The following ZNF573 variants were observed in gnomAD, a reference collection of about 807,000 sequenced individuals.
ZNF573 encodes zinc finger protein 573.
ZNF573 carries 41 observed loss-of-function variants against 57.4 expected under a neutral mutation model. That is an observed-to-expected ratio of 0.71 (90% CI 0.56 to 0.93). The LOEUF (loss-of-function observed/expected upper bound fraction) is 0.93. Ranked by LOEUF, ZNF573 falls within the 40% of genes least tolerant of loss-of-function variation. The probability of loss-of-function intolerance (pLI) is 0.00; values close to 1 mark genes in which losing one functional copy is unlikely to be tolerated. For missense variants in ZNF573, 730 were observed against 794.8 expected (o/e 0.92, Z 0.98); for synonymous variants, 249 against 261.0 (o/e 0.95, Z 0.44).
intron 4 of ZNF573, among the ~76,000 whole-genome samples, chr19:37,766,475 A>G (rs748476978): frequency 3.9e-5 from 6 of 152,190 alleles, no homozygotes; most frequent in Non-Finnish European, 8.8e-5. Flanking sequence ...AGATCCATCA[A>G]CTCTTAAATG....
At chr19:37,771,472 CTA>C in intron 3 of ZNF573, 90 bp downstream of exon 3, 1 of 1,429,052 alleles carries the variant, frequency 7.0e-7, no homozygotes, top group South Asian at 1.3e-5. Context: ...AGAAATTCAA[CTA>C]TGTCTTGAAA....
At chr19:37,764,509 C>T (rs1284851338) in intron 4 of ZNF573, among the ~76,000 whole-genome samples, 3 of 151,218 alleles carry the variant, frequency 2.0e-5, no homozygotes, top group African/African-American at 4.9e-5. Context: ...TTAATAGAGA[C>T]GGGGTTTCAC....
chr19:37,758,242 T>C (rs1415058023), intron 4 of ZNF573, among the ~76,000 whole-genome samples: 1 of 72,024 alleles, frequency 1.4e-5, no homozygotes, highest in Non-Finnish European at 2.8e-5. Context: ...TATATATATA[T>C]ATATATATAT....
intron 4 of ZNF573, chr19:37,759,283 C>T: frequency 3.0e-6 from 1 of 336,664 alleles, no homozygotes; most frequent in South Asian, 1.2e-4. Flanking sequence ...TATCAGAGAA[C>T]AATTTCTTTT....
At chr19:37,744,740 C>CAAAAAAAAAAAAAAAAAAAAAAAAA (rs1193916273) in intron 4 of ZNF573, among the ~76,000 whole-genome samples, 1 of 38,606 alleles carries the variant, frequency 2.6e-5, no homozygotes, top group Non-Finnish European at 5.3e-5. Context: ...GACCCTATCT[C>CAAAAAAAAAAAAAAAAAAAAAAAAA]AAAAAAAAAA....
At chr19:37,743,100 C>T (rs373533949) in intron 4 of ZNF573, among the ~76,000 whole-genome samples, 65 of 151,976 alleles carry the variant, frequency 4.3e-4, no homozygotes, top group Admixed American at 7.2e-4. Context: ...GGGTGGATCA[C>T]GAGGTCAGGA....
chr19:37,738,505 C>T lies in ZNF573; in HGVS notation c.1985G>A (p.Ser662Asn), dbSNP rs1345864640. The change falls in exon 5 of 5, where the codon AGC becomes AAC. Residue 662 changes from serine to asparagine, a missense_variant. Ser to Asn is a conservative substitution (Grantham distance 46, BLOSUM62 1). Coordinates refer to ENST00000536220, the MANE Select transcript of ZNF573 (RefSeq NM_001172690.2). ...CTCTTTACGGTCTTACACTTTTATG[C>T]TCCTATGAATTCTCTGATGGGCTTT... The part of the protein sequence containing the change: ...ALKAHQRIHR[S>N]IKV The T allele has an allele frequency of 1.3e-6, 2 of 1,532,334 alleles. No homozygotes were observed. The highest frequency in any genetic ancestry group is 2.2e-5 in the Admixed American group (1 of 45,520). 94.9% of individuals were successfully genotyped at this position (1,532,334 alleles called of 1,614,324 possible). A position where few individuals can be genotyped will look rare whatever the true frequency, so the allele number is the denominator to read the frequency against.
Position 37,769,927 on chromosome 19 carries a change from C to A in ZNF573, c.295+78G>T. On this transcript the variant is annotated intron_variant, in intron 4 of 4. Transcript: ENST00000536220. The stretch of plus-strand genomic sequence containing the variant: ...CTGGGTGCCTTGGAGGAAGGTTTCA[C>A]AAACAACACAAAAATGTCTCCTTTC... 2.3e-6 allele frequency: 3 copies of A among 1,322,352 alleles called. No homozygotes were observed. In the East Asian group the frequency reaches 7.5e-5, roughly 33 times the overall value. The allele number at this position is 1,322,352 out of a possible 1,614,324, so 81.9% of individuals were successfully genotyped here. A position where few individuals can be genotyped will look rare whatever the true frequency, so the allele number is the denominator to read the frequency against.
intron 4 of ZNF573, among the ~76,000 whole-genome samples, chr19:37,745,385 G>A (rs2045371938): frequency 6.6e-6 from 1 of 150,864 alleles, no homozygotes; most frequent in African/African-American, 2.4e-5. Flanking sequence ...ATTCAGCCAA[G>A]ACTTTAATTT....
intron 3 of ZNF573, among the ~76,000 whole-genome samples, chr19:37,771,338 GA>G (rs1306664329): frequency 6.6e-6 from 1 of 151,976 alleles, no homozygotes; most frequent in Non-Finnish European, 1.5e-5. Context: ...TTAAGGAAAG[GA>G]GGCAATCATA....
chr19:37,744,740 CAAA>C (rs1193916273), intron 4 of ZNF573, among the ~76,000 whole-genome samples: 3 of 38,624 alleles, frequency 7.8e-5, no homozygotes, highest in African/African-American at 9.8e-5. Flanking sequence ...GACCCTATCT[CAAA>C]AAAAAAAAAA....
intron 4 of ZNF573, among the ~76,000 whole-genome samples, chr19:37,745,587 G>A (rs562661641): frequency 1.3e-5 from 2 of 151,864 alleles, no homozygotes; most frequent in Non-Finnish European, 2.9e-5. Context: ...GTAGAGACAG[G>A]GTTTCACCAT....
intron 4 of ZNF573, among the ~76,000 whole-genome samples, chr19:37,768,176 CAT>C (rs1214953543): frequency 2.0e-5 from 3 of 152,320 alleles, no homozygotes; most frequent in Admixed American, 6.5e-5. Flanking sequence ...GTAAGCTACT[CAT>C]GTGTTATATG....
At chr19:37,755,763 T>C (rs1019982499) in intron 4 of ZNF573, among the ~76,000 whole-genome samples, 3 of 151,706 alleles carry the variant, frequency 2.0e-5, no homozygotes, top group East Asian at 3.9e-4. Flanking sequence ...AGAAGAGGCA[T>C]TGGTAAAATC....
At chr19:37,764,390 G>A (rs1053777064) in intron 4 of ZNF573, among the ~76,000 whole-genome samples, 3 of 146,642 alleles carry the variant, frequency 2.0e-5, no homozygotes, top group Non-Finnish European at 3.0e-5. Context: ...GCCCGATCTC[G>A]GCTCACTGCA....
At chr19:37,759,889 A>AGATATTACT (rs1196893652) in intron 4 of ZNF573, among the ~76,000 whole-genome samples, 10 of 152,250 alleles carry the variant, frequency 6.6e-5, no homozygotes, top group African/African-American at 2.2e-4. Flanking sequence ...ATAAATGATT[A>AGATATTACT]GATATTACTG....
chr19:37,739,375 T>A lies in ZNF573; in HGVS notation c.1115A>T (p.Asn372Ile). 1 of 1,614,046 alleles carries A rather than the reference T, an allele frequency of 6.2e-7. No individual in the cohort carries two copies. Among genetic ancestry groups the A allele is most frequent in the Non-Finnish European group, 8.5e-7 (1 of 1,180,008 alleles). Residue 372 changes from asparagine to isoleucine, a missense_variant, in exon 5 of 5, where the codon AAT becomes ATT. By Grantham distance (149) the Asn-to-Ile change is moderately radical (BLOSUM62 -3). Coordinates refer to ENST00000536220, the MANE Select transcript of ZNF573 (RefSeq NM_001172690.2). ...ECKKTFTLYR[N>I]LTRHQNIHTG... ...ATGAATATTCTGATGCCGAGTAAGATTTCTATACAAAGTAAAGGTTTTCTT... is the reference window on the plus strand; with the variant it reads ...ATGAATATTCTGATGCCGAGTAAGAATTCTATACAAAGTAAAGGTTTTCTT...
chr19:37,775,005 T>C, intron 1 of ZNF573, among the ~76,000 whole-genome samples: 1 of 146,032 alleles, frequency 6.8e-6, no homozygotes, highest in South Asian at 2.2e-4. Flanking sequence ...ACTGCTAAAC[T>C]CTCTCTCTTT....
At chr19:37,777,737 A>G (rs1028812882) in intron 1 of ZNF573, among the ~76,000 whole-genome samples, 3 of 124,374 alleles carry the variant, frequency 2.4e-5, no homozygotes, top group African/African-American at 5.8e-5. Flanking sequence ...AGCCTTTGTC[A>G]TAAAAAAAAA....
Sources: allele counts gnomAD v4.1 joint callset (sites outside exome capture counted in the v4.1 genomes callset), GRCh38; gene constraint gnomAD v4.1.1; transcripts MANE v1.5; gene names NCBI Gene and HGNC (gene_info 2026-07-23, HGNC 2026-07-21).